The following PLXDC2 variants were observed in gnomAD, a reference collection of about 807,000 sequenced individuals.
PLXDC2 encodes plexin domain-containing protein 2.
PLXDC2 carries 40 observed loss-of-function variants against 68.9 expected under a neutral mutation model. That is an observed-to-expected ratio of 0.58 (90% CI 0.45 to 0.76). PLXDC2 has a LOEUF of 0.76. Ranked by LOEUF, PLXDC2 falls within the 30% of genes least tolerant of loss-of-function variation. The pLI is 0.00. For synonymous variants in PLXDC2, 243 were observed against 234.2 expected (o/e 1.04, Z -0.34); for missense variants, 644 against 661.9 (o/e 0.97, Z 0.30).
rs554089210 is a variant in PLXDC2 at position 20,112,073 on chromosome 10, A to G, written c.542-31222A>G. ...ATCTGCATATACCATGTGAGGACAC[A>G]GCAAGAAGGTCTGTGTCCTCTGCAA... On this transcript the variant is annotated intron_variant, in intron 4 of 13. Coordinates refer to ENST00000377252, the MANE Select transcript of PLXDC2 (RefSeq NM_032812.9). 9.2e-5 allele frequency among the ~76,000 whole-genome samples: 14 copies of G among 152,262 alleles called. 1 individual carries two copies. The East Asian group carries it at 2.3e-3, about 25-fold the overall frequency.
chr10:19,966,802 G>A (rs965136403), intron 1 of PLXDC2, among the ~76,000 whole-genome samples: 15 of 115,426 alleles, frequency 1.3e-4, no homozygotes, highest in Non-Finnish European at 2.4e-4. Context: ...AACGGTTCGC[G>A]TTACCATTTT....
intron 2 of PLXDC2, among the ~76,000 whole-genome samples, chr10:20,021,864 A>G (rs1835316046): frequency 6.6e-6 from 1 of 151,216 alleles, no homozygotes; most frequent in African/African-American, 2.4e-5. Flanking sequence ...AGGCCCAGCT[A>G]ATTTTTGTAT....
intron 9 of PLXDC2, among the ~76,000 whole-genome samples, chr10:20,181,756 G>T (rs1834607583): frequency 6.6e-6 from 1 of 152,066 alleles, no homozygotes; most frequent in Non-Finnish European, 1.5e-5. Flanking sequence ...CTGGGACACA[G>T]ATGACTCTGT....
intron 3 of PLXDC2, among the ~76,000 whole-genome samples, chr10:20,048,533 A>G (rs940520945): frequency 3.9e-5 from 6 of 152,112 alleles, no homozygotes; most frequent in African/African-American, 1.2e-4. Context: ...GCATTTGACA[A>G]CCTTCCTACT....
chr10:19,935,165 G>A (rs1473885018), intron 1 of PLXDC2, among the ~76,000 whole-genome samples: 1 of 152,192 alleles, frequency 6.6e-6, no homozygotes, highest in Non-Finnish European at 1.5e-5. Flanking sequence ...CTTCCTTGGA[G>A]TTCACGGGTG....
chr10:20,232,290 T>C (rs1835375439), intron 12 of PLXDC2, among the ~76,000 whole-genome samples: 2 of 152,146 alleles, frequency 1.3e-5, no homozygotes, highest in Admixed American at 6.6e-5. Context: ...GTGCAATCAC[T>C]TCAGAAAACT....
At chr10:20,127,285 T>G (rs1352842009) in intron 4 of PLXDC2, among the ~76,000 whole-genome samples, 1 of 152,166 alleles carries the variant, frequency 6.6e-6, no homozygotes, top group Non-Finnish European at 1.5e-5. Flanking sequence ...GTGTTCTGAT[T>G]TGGATGGATT....
At chr10:20,106,216 T>G (rs187817012) in intron 4 of PLXDC2, among the ~76,000 whole-genome samples, 56 of 152,332 alleles carry the variant, frequency 3.7e-4, no homozygotes, top group African/African-American at 1.3e-3. Flanking sequence ...GACATAAGTT[T>G]AAAATCAGGC....
At chr10:19,960,767 A>G (rs1340033747) in intron 1 of PLXDC2, among the ~76,000 whole-genome samples, 1 of 152,162 alleles carries the variant, frequency 6.6e-6, no homozygotes, top group African/African-American at 2.4e-5. Context: ...TACAATAAAC[A>G]TTTCATATTA....
At position 20,261,795 on chromosome 10, in the gene PLXDC2, G is replaced by A. The variant is rs888956673; in HGVS notation, c.1473+16290G>A. Among the ~76,000 whole-genome samples the A allele has an allele frequency of 5.3e-5, 8 of 152,068 alleles. No homozygotes were observed. In the East Asian group the frequency reaches 7.7e-4, roughly 15 times the overall value. ...CTTGAACCCGGGAGGCGGAGGTTGC[G>A]GTGAGCCAAGATCGTGCCATTGTAC... On this transcript the variant is annotated intron_variant, in intron 13 of 13. Coordinates refer to ENST00000377252, the MANE Select transcript of PLXDC2 (RefSeq NM_032812.9).
intron 1 of PLXDC2, among the ~76,000 whole-genome samples, chr10:19,826,302 A>T (rs1030690448): frequency 2.0e-5 from 3 of 152,194 alleles, no homozygotes; most frequent in African/African-American, 7.2e-5. Context: ...CTATTTATAT[A>T]GGTCCTGGGA....
chr10:20,024,890 A>G (rs979005625), intron 2 of PLXDC2, among the ~76,000 whole-genome samples: 6 of 152,286 alleles, frequency 3.9e-5, no homozygotes, highest in Middle Eastern at 3.4e-3. Flanking sequence ...TGCTTAAAGG[A>G]CATGATTTCA....
chr10:19,883,911 T>TTTTTTTTTTTTTTTTTG (rs1837788503), intron 1 of PLXDC2, among the ~76,000 whole-genome samples: 1 of 136,798 alleles, frequency 7.3e-6, no homozygotes. Context: ...TTTTTTTTTT[T>TTTTTTTTTTTTTTTTTG]AGCAGACAGG....
intron 9 of PLXDC2, among the ~76,000 whole-genome samples, chr10:20,203,251 C>T (rs147518492): frequency 2.0e-5 from 3 of 151,572 alleles, no homozygotes; most frequent in Non-Finnish European, 4.4e-5. Flanking sequence ...AATGGAAATA[C>T]CTTTTTTGCC....
chr10:20,229,167 G>C (rs900893073), intron 12 of PLXDC2, among the ~76,000 whole-genome samples: 1 of 152,122 alleles, frequency 6.6e-6, no homozygotes, highest in African/African-American at 2.4e-5. Context: ...CACAAGCATG[G>C]GTGGAGCCAA....
At chr10:19,972,455 T>C (rs1834371154) in intron 1 of PLXDC2, among the ~76,000 whole-genome samples, 1 of 151,722 alleles carries the variant, frequency 6.6e-6, no homozygotes, top group Admixed American at 6.6e-5. Context: ...GGGTGAAGGG[T>C]GGGAGGAGAA....
chr10:19,957,974 C>T (rs1834098181), intron 1 of PLXDC2, among the ~76,000 whole-genome samples: 1 of 152,020 alleles, frequency 6.6e-6, no homozygotes, highest in South Asian at 2.1e-4. Context: ...TTGTGATCTC[C>T]TCAAGGTGAA....
At chr10:19,998,112 T>A (rs1589577286) in intron 1 of PLXDC2, among the ~76,000 whole-genome samples, 1 of 152,314 alleles carries the variant, frequency 6.6e-6, no homozygotes, top group South Asian at 2.1e-4. Context: ...AGCCAGACTA[T>A]TCAAAGATCC....
chr10:20,192,500 G>C (rs1834780396), intron 9 of PLXDC2, among the ~76,000 whole-genome samples: 1 of 152,068 alleles, frequency 6.6e-6, no homozygotes, highest in African/African-American at 2.4e-5. Flanking sequence ...ATAGCACACA[G>C]AGAATTATGA....
Sources: allele counts gnomAD v4.1 joint callset (sites outside exome capture counted in the v4.1 genomes callset), GRCh38; gene constraint gnomAD v4.1.1; transcripts MANE v1.5; gene names NCBI Gene and HGNC (gene_info 2026-07-23, HGNC 2026-07-21).